ABL2: variants seen among roughly 807,000 people sequenced by gnomAD.
The protein encoded by ABL2 is ABL proto-oncogene 2, non-receptor tyrosine kinase.
Under a neutral mutation model 107.7 loss-of-function variants are expected in ABL2, and 49 were observed. That is an observed-to-expected ratio of 0.45 (90% CI 0.36 to 0.58). The LOEUF (loss-of-function observed/expected upper bound fraction) is 0.58. Ranked by LOEUF, ABL2 falls within the 20% of genes least tolerant of loss-of-function variation. The pLI, the probability that ABL2 is intolerant of heterozygous loss-of-function variation, is 0.00. For missense variants in ABL2, 1,245 were observed against 1,457.0 expected (o/e 0.85, Z 2.37); for synonymous variants, 549 against 548.6 (o/e 1.00, Z -0.01).
chr1:179,189,546 C>T (rs995100734), intron 1 of ABL2, among the ~76,000 whole-genome samples: 6 of 152,152 alleles, frequency 3.9e-5, no homozygotes, highest in Admixed American at 3.3e-4. Flanking sequence ...AATTAGCAAT[C>T]GTCTTGTCAC....
Position 179,184,162 on chromosome 1 carries a change from GGGA to G in ABL2, c.157+45076_157+45078del, listed in dbSNP as rs147994840. 9.6e-3 allele frequency: 3,996 copies of G among 414,930 alleles called. 40 individuals carry two copies. Among genetic ancestry groups the G allele is most frequent in the Non-Finnish European group, 0.013 (2,808 of 221,772 alleles). 25.7% of individuals were successfully genotyped at this position (414,930 alleles called of 1,614,324 possible). ...CATCCTCAAGTGTCTGCACTGCTTA[GGGA>G]GGAGGACAAAGACGCACTGCATTAT... is the stretch of plus-strand genomic sequence containing the variant. On this transcript the variant is annotated intron_variant, in intron 1 of 11. Transcript: ENST00000502732.
rs1656029528 is a variant in ABL2, at chr1:179,129,141, A to G, written c.391+2170T>C. On this transcript the variant is annotated intron_variant, in intron 3 of 11. Transcript: ENST00000502732. ...AAATTAGTGAGAACCTGATATAAAA[A>G]TTTGGCATTCTGTGGATTTTAAGAG... Among the ~76,000 whole-genome samples, 5 of 152,212 alleles carry G rather than the reference A, an allele frequency of 3.3e-5. No individual in the cohort carries two copies. The South Asian group carries it at 1.0e-3, about 32-fold the overall frequency.
At chr1:179,184,391 A>C (rs1315313189) in intron 1 of ABL2, 1 of 906,454 alleles carries the variant, frequency 1.1e-6, no homozygotes, top group Non-Finnish European at 1.7e-6. Context: ...CAAGTCAAAC[A>C]CAGAATAAAG....
Position 179,106,103 on chromosome 1 carries a change from T to G in ABL2, c.*1615A>C. 4.6e-6 allele frequency: 1 copy of G among 218,244 alleles called. No individual in the cohort carries two copies. The allele number at this position is 218,244 out of a possible 1,614,324, so 13.5% of individuals were successfully genotyped here. On this transcript the variant is annotated 3_prime_UTR_variant, in exon 12 of 12. Transcript: ENST00000502732. ...CTATCTTCCTAAGCTAATATTCCTT[T>G]GAGAGAATAAAATAAAAATATGTGT... is the stretch of plus-strand genomic sequence containing the variant.
intron 1 of ABL2, among the ~76,000 whole-genome samples, chr1:179,211,925 G>A (rs1662298773): frequency 6.6e-6 from 1 of 152,150 alleles, no homozygotes. Context: ...AGTGTACAAT[G>A]AGGAAAATAC....
chr1:179,174,297 A>AG (rs1659899243), intron 1 of ABL2, among the ~76,000 whole-genome samples: 1 of 151,570 alleles, frequency 6.6e-6, no homozygotes, highest in Admixed American at 6.6e-5. Context: ...CCAATAAAAA[A>AG]AAAAAAAAGG....
At chr1:179,164,358 T>C in intron 1 of ABL2, among the ~76,000 whole-genome samples, 1 of 152,346 alleles carries the variant, frequency 6.6e-6, no homozygotes, top group South Asian at 2.1e-4. Context: ...ACTTGAATTT[T>C]AAATTTCCAC....
intron 1 of ABL2, chr1:179,196,512 C>A (rs1661317109): frequency 6.6e-6 from 1 of 152,152 alleles, no homozygotes; most frequent in Non-Finnish European, 1.5e-5. Flanking sequence ...CATCCAGTGA[C>A]CCTCTCAGGA....
At chr1:179,173,095 C>T (rs1271336551) in intron 1 of ABL2, among the ~76,000 whole-genome samples, 1 of 151,072 alleles carries the variant, frequency 6.6e-6, no homozygotes, top group African/African-American at 2.4e-5. Flanking sequence ...GAGGCTTAGG[C>T]AGGAGAATCG....
intron 7 of ABL2, among the ~76,000 whole-genome samples, chr1:179,118,090 G>GT (rs1473367820): frequency 6.6e-6 from 1 of 151,970 alleles, no homozygotes; most frequent in African/African-American, 2.4e-5. Flanking sequence ...GAGGCTGAGG[G>GT]TGCAGTAAGC....
intron 1 of ABL2, among the ~76,000 whole-genome samples, chr1:179,188,380 A>G (rs1277064628): frequency 6.6e-6 from 1 of 151,938 alleles, no homozygotes; most frequent in Non-Finnish European, 1.5e-5. Flanking sequence ...TATCTCTACT[A>G]ACAATACAAA....
intron 1 of ABL2, among the ~76,000 whole-genome samples, chr1:179,154,928 TAGC>T (rs1390635671): frequency 3.3e-5 from 5 of 152,208 alleles, no homozygotes; most frequent in African/African-American, 1.2e-4. Context: ...ACCTTGCACA[TAGC>T]AGCCCCAAGT....
rs370175435 is a variant in ABL2, at chr1:179,108,182, C to A, written c.3085G>T (p.Ala1029Ser). 62 of 1,614,078 alleles carry A rather than the reference C, an allele frequency of 3.8e-5. No homozygotes were observed. The highest frequency in any genetic ancestry group is 8.9e-5 in the East Asian group (4 of 44,892). ...QEGGKKAALG[A>S]VPISGKAGRP... is the part of the protein sequence containing the mutation. The stretch of plus-strand genomic sequence containing the variant: ...CCAGCTTTCCCACTGATGGGCACTG[C>A]GCCCAGAGCTGCCTTCTTTCCTCCT... The change falls in exon 12 of 12, where the codon GCA (alanine) becomes TCA (serine). Residue 1029 changes from alanine (A) to serine (S), a missense_variant. Coordinates refer to ENST00000502732, the MANE Select transcript of ABL2 (RefSeq NM_007314.4).
chr1:179,225,007 C>T (rs574657264), intron 1 of ABL2, among the ~76,000 whole-genome samples: 1 of 152,206 alleles, frequency 6.6e-6, no homozygotes, highest in Admixed American at 6.5e-5. Context: ...GCCTGGGTGG[C>T]AGAGCAAGAC....
chr1:179,170,107 A>C (rs1659633665), intron 1 of ABL2, among the ~76,000 whole-genome samples: 1 of 152,196 alleles, frequency 6.6e-6, no homozygotes, highest in African/African-American at 2.4e-5. Flanking sequence ...AGGGCATAGC[A>C]CCAACATCTG....
In ABL2 at chr1:179,102,534, C is replaced by A; in HGVS notation, c.*5184G>T. On this transcript the variant is annotated 3_prime_UTR_variant, in exon 12 of 12. Coordinates refer to ENST00000502732, the MANE Select transcript of ABL2 (RefSeq NM_007314.4). The stretch of plus-strand genomic sequence containing the variant: ...TATCAATACTTAAGCCAGAGACCCA[C>A]CTACAAAAAGAGGATTGGTCATAGC... 4 of 227,458 alleles carry A rather than the reference C, an allele frequency of 1.8e-5. No individual in the cohort carries two copies. The East Asian group carries it at 2.5e-4, about 14-fold the overall frequency. The allele number at this position is 227,458 out of a possible 1,614,324, so 14.1% of individuals were successfully genotyped here. A position where few individuals can be genotyped will look rare whatever the true frequency, so the allele number is the denominator to read the frequency against.
chr1:179,103,052 A>AT lies in ABL2; in HGVS notation c.*4665dup, dbSNP rs1653235997. On this transcript the variant is annotated 3_prime_UTR_variant, in exon 12 of 12. Coordinates refer to ENST00000502732, the MANE Select transcript of ABL2 (RefSeq NM_007314.4). ...ACATTTAGGATAAATGGCCAAGCATATAGTGGATAAATGGAGAAGAGTAAG... is the reference window on the plus strand; with the variant it reads ...ACATTTAGGATAAATGGCCAAGCATATTAGTGGATAAATGGAGAAGAGTAAG... 1 of 222,296 alleles carries AT rather than the reference A, an allele frequency of 4.5e-6. No individual in the cohort carries two copies. Among genetic ancestry groups the AT allele is most frequent in the Non-Finnish European group, 9.0e-6 (1 of 111,286 alleles). The allele number at this position is 222,296 out of a possible 1,614,324, so 13.8% of individuals were successfully genotyped here. A position where few individuals can be genotyped will look rare whatever the true frequency, so the allele number is the denominator to read the frequency against.
chr1:179,203,144 C>G (rs1025162945), intron 1 of ABL2, among the ~76,000 whole-genome samples: 2 of 152,026 alleles, frequency 1.3e-5, no homozygotes, highest in East Asian at 1.9e-4. Context: ...GTAAAAAGAA[C>G]AAATCATTTT....
At chr1:179,132,651 T>G (rs1282179792) in intron 2 of ABL2, among the ~76,000 whole-genome samples, 2 of 151,420 alleles carry the variant, frequency 1.3e-5, no homozygotes, top group East Asian at 3.9e-4. Flanking sequence ...GTGATTCTCC[T>G]GCCTCAGCCT....
Sources: gnomAD v4.1 joint callset for allele counts (sites outside exome capture counted in the v4.1 genomes callset) on GRCh38, gnomAD v4.1.1 for gene constraint, MANE v1.5 for transcripts, NCBI Gene and HGNC (gene_info 2026-07-23, HGNC 2026-07-21) for gene names.